Variants in PCSK2 observed in about 807,000 individuals in gnomAD.
PCSK2 encodes neuroendocrine convertase 2.
A neutral mutation model predicts 69.7 loss-of-function variants in PCSK2; 14 were observed. The observed-to-expected ratio is 0.20, with a 90% CI of 0.13 to 0.31. The LOEUF is 0.31. Ranked by LOEUF, PCSK2 falls within the 10% of genes least tolerant of loss-of-function variation. The pLI is 1.00. For synonymous variants in PCSK2, 307 were observed against 320.7 expected, an observed-to-expected ratio of 0.96 and a Z score of 0.46; for missense variants, 544 against 842.5, an observed-to-expected ratio of 0.65 and a Z score of 4.39.
chr20:17,257,453 A>G (rs2122991208), intron 1 of PCSK2, among the ~76,000 whole-genome samples: 1 of 152,282 alleles, frequency 6.6e-6, no homozygotes, highest in East Asian at 1.9e-4. Context: ...AAATCATTCT[A>G]CTCTAAAGAT....
At chr20:17,474,083 C>A (rs1386927351) in intron 11 of PCSK2, among the ~76,000 whole-genome samples, 1 of 152,174 alleles carries the variant, frequency 6.6e-6, no homozygotes, top group South Asian at 2.1e-4. Flanking sequence ...TCAGGCACAC[C>A]ATGGCTAAGG....
chr20:17,270,333 A>AATT (rs1800098734), intron 2 of PCSK2, among the ~76,000 whole-genome samples: 1 of 152,152 alleles, frequency 6.6e-6, no homozygotes, highest in Non-Finnish European at 1.5e-5. Context: ...TTAAAGCCAA[A>AATT]CCAAGGGAAT....
At position 17,481,908 on chromosome 20, in the gene PCSK2, G is replaced by A. The variant is rs1394029050; in HGVS notation, c.1755G>A (p.Lys585=). 5 of 1,613,836 alleles carry A rather than the reference G, an allele frequency of 3.1e-6. No homozygotes were observed. The change falls in exon 12 of 12, where the codon AAG becomes AAA. Residue 585 remains lysine, a synonymous_variant. Transcript: ENST00000262545. Reference sequence around the variant, plus strand: ...GCGCCCCGCAGAAGGGGGTGCTGAAGGAGTGGACCCTGATGCTGCATGGCA... The same window carrying A: ...GCGCCCCGCAGAAGGGGGTGCTGAAAGAGTGGACCCTGATGCTGCATGGCA... The part of the protein sequence containing the change: ...VGSAPQKGVL[K]EWTLMLHGTQ...
intron 1 of PCSK2, among the ~76,000 whole-genome samples, chr20:17,257,438 A>T (rs749914862): frequency 6.6e-6 from 1 of 152,228 alleles, no homozygotes; most frequent in African/African-American, 2.4e-5. Flanking sequence ...TACCCAAAGG[A>T]TTATAAATCA....
chr20:17,478,192 C>T (rs1436908356), intron 11 of PCSK2, among the ~76,000 whole-genome samples: 1 of 152,192 alleles, frequency 6.6e-6, no homozygotes, highest in Admixed American at 6.5e-5. Flanking sequence ...ATATGTGTAA[C>T]CAGACTCACT....
At chr20:17,402,099 C>T (rs375986421) in intron 5 of PCSK2, among the ~76,000 whole-genome samples, 3 of 152,184 alleles carry the variant, frequency 2.0e-5, no homozygotes, top group African/African-American at 4.8e-5. Flanking sequence ...AGATACCCTC[C>T]GGAGGTGTCT....
chr20:17,363,754 G>A (rs774478731), intron 4 of PCSK2, among the ~76,000 whole-genome samples: 17 of 152,170 alleles, frequency 1.1e-4, no homozygotes, highest in Non-Finnish European at 2.5e-4. Context: ...ACAACTAACA[G>A]TAAAAACGAC....
intron 11 of PCSK2, among the ~76,000 whole-genome samples, chr20:17,480,089 C>T (rs183812074): frequency 6.6e-6 from 1 of 151,986 alleles, no homozygotes; most frequent in Non-Finnish European, 1.5e-5. Context: ...TTGGGCTTAA[C>T]CTCGCTCCAA....
intron 2 of PCSK2, among the ~76,000 whole-genome samples, chr20:17,333,511 G>A (rs1479952976): frequency 1.3e-5 from 2 of 152,130 alleles, no homozygotes; most frequent in Admixed American, 6.6e-5. Flanking sequence ...CACCAGGCAT[G>A]GAGCAGCACA....
chr20:17,292,874 G>T (rs1379947215), intron 2 of PCSK2, among the ~76,000 whole-genome samples: 2 of 152,134 alleles, frequency 1.3e-5, no homozygotes, highest in South Asian at 2.1e-4. Flanking sequence ...GCCCAGGCTG[G>T]AGTGCAGTGG....
At chr20:17,351,679 C>T (rs2029992056) in intron 2 of PCSK2, among the ~76,000 whole-genome samples, 2 of 152,074 alleles carry the variant, frequency 1.3e-5, no homozygotes, top group Non-Finnish European at 2.9e-5. Flanking sequence ...ACAAACTAGG[C>T]ATTGAAGAAA....
At chr20:17,445,713 G>A (rs568762285) in intron 8 of PCSK2, among the ~76,000 whole-genome samples, 41 of 152,358 alleles carry the variant, frequency 2.7e-4, no homozygotes, top group African/African-American at 8.9e-4. Flanking sequence ...TCTGGCAGAC[G>A]ATGAATGCCT....
intron 1 of PCSK2, among the ~76,000 whole-genome samples, chr20:17,257,957 G>A (rs1458892256): frequency 3.3e-5 from 5 of 152,146 alleles, no homozygotes; most frequent in Non-Finnish European, 7.4e-5. Context: ...TCAGGAAATT[G>A]CAACCTTAAA....
At chr20:17,323,878 A>G (rs1989954642) in intron 2 of PCSK2, among the ~76,000 whole-genome samples, 2 of 152,176 alleles carry the variant, frequency 1.3e-5, no homozygotes, top group African/African-American at 4.8e-5. Flanking sequence ...AGATTCTGTG[A>G]TTTCCAACTG....
At chr20:17,444,300 C>A (rs562249033) in intron 8 of PCSK2, among the ~76,000 whole-genome samples, 15 of 152,208 alleles carry the variant, frequency 9.9e-5, no homozygotes, top group African/African-American at 3.1e-4. Context: ...AGACTTTTAT[C>A]GGGGCATGCA....
At chr20:17,403,442 G>T (rs371945218) in intron 5 of PCSK2, among the ~76,000 whole-genome samples, 1 of 152,174 alleles carries the variant, frequency 6.6e-6, no homozygotes, top group Non-Finnish European at 1.5e-5. Flanking sequence ...CATATTAGAC[G>T]CAAGTAGGCG....
intron 7 of PCSK2, among the ~76,000 whole-genome samples, chr20:17,431,319 C>T (rs1327549263): frequency 6.6e-6 from 1 of 152,148 alleles, no homozygotes; most frequent in African/African-American, 2.4e-5. Context: ...TCGGGGGTGC[C>T]GTCGGGCCTG....
intron 1 of PCSK2, among the ~76,000 whole-genome samples, chr20:17,244,322 T>C (rs1406096629): frequency 6.6e-6 from 1 of 152,222 alleles, no homozygotes; most frequent in East Asian, 1.9e-4. Context: ...AAAACTAACA[T>C]TGAGGTCTCT....
intron 2 of PCSK2, among the ~76,000 whole-genome samples, chr20:17,303,739 T>TGG (rs1989236019): frequency 6.8e-6 from 1 of 146,312 alleles, no homozygotes; most frequent in Admixed American, 7.0e-5. Flanking sequence ...ACCCCACCCA[T>TGG]CTAATTTTTG....
Sources: gnomAD v4.1 joint callset for allele counts (sites outside exome capture counted in the v4.1 genomes callset) on GRCh38, gnomAD v4.1.1 for gene constraint, MANE v1.5 for transcripts, NCBI Gene and HGNC (gene_info 2026-07-23, HGNC 2026-07-21) for gene names.